Variants in UIMC1 observed in about 807,000 individuals in gnomAD.
UIMC1 encodes the protein ubiquitin interaction motif containing 1, also known as BRCA1-A complex subunit RAP80.
Under a neutral mutation model 84.9 loss-of-function variants are expected in UIMC1, and 42 were observed. The ratio of observed to expected loss-of-function variants is 0.49; its 90% CI spans 0.39 to 0.64. The LOEUF is 0.64. Ranked by LOEUF, UIMC1 falls within the 30% of genes least tolerant of loss-of-function variation. The pLI is 0.00. For missense variants in UIMC1, 825 were observed against 847.6 expected (o/e 0.97, Z 0.33); for synonymous variants, 281 against 293.0 (o/e 0.96, Z 0.42).
intron 10 of UIMC1, among the ~76,000 whole-genome samples, chr5:176,925,558 A>C (rs986442253): frequency 9.8e-5 from 15 of 152,304 alleles, no homozygotes; most frequent in Admixed American, 6.5e-4. Flanking sequence ...AAATACACCG[A>C]GAAGAACTGT....
At chr5:176,910,128 T>C (rs1759929797) in intron 11 of UIMC1, among the ~76,000 whole-genome samples, 1 of 152,156 alleles carries the variant, frequency 6.6e-6, no homozygotes, top group South Asian at 2.1e-4. Flanking sequence ...AATACAGAAA[T>C]ATTCTTTTTT....
chr5:176,919,249 A>C (rs1761409467), intron 10 of UIMC1: 1 of 324,682 alleles, frequency 3.1e-6, no homozygotes, highest in African/African-American at 2.3e-5. Flanking sequence ...ACTGCACTCC[A>C]GCCTGGGCAA....
At chr5:176,988,841 G>A (rs1425417080) in intron 1 of UIMC1, among the ~76,000 whole-genome samples, 3 of 152,004 alleles carry the variant, frequency 2.0e-5, no homozygotes, top group South Asian at 4.2e-4. Flanking sequence ...GTGCCACCAC[G>A]CCAGGCTAAT....
chr5:176,957,125 T>C (rs971609440), intron 7 of UIMC1, among the ~76,000 whole-genome samples: 6 of 152,138 alleles, frequency 3.9e-5, no homozygotes, highest in Non-Finnish European at 7.4e-5. Flanking sequence ...GAGAGGCCTA[T>C]AGGGAGTAAA....
At chr5:176,935,646 T>C (rs1581440934) in intron 10 of UIMC1, among the ~76,000 whole-genome samples, 1 of 152,194 alleles carries the variant, frequency 6.6e-6, no homozygotes, top group African/African-American at 2.4e-5. Flanking sequence ...GCCACATTAA[T>C]ATAAGTGAGA....
intron 4 of UIMC1, 75 bp downstream of exon 4, chr5:176,970,667 T>A: frequency 6.2e-7 from 1 of 1,601,718 alleles, no homozygotes; most frequent in Non-Finnish European, 8.5e-7. Context: ...TAGTTCCTAA[T>A]GCAACTACAA....
At chr5:176,984,655 G>A (rs895787348) in intron 1 of UIMC1, among the ~76,000 whole-genome samples, 5 of 128,346 alleles carry the variant, frequency 3.9e-5, no homozygotes, top group African/African-American at 1.4e-4. Flanking sequence ...AAAGAAAAGG[G>A]GGAAATGTGG....
At chr5:177,002,816 T>C (rs753335088) in intron 1 of UIMC1, among the ~76,000 whole-genome samples, 36 of 151,928 alleles carry the variant, frequency 2.4e-4, no homozygotes, top group Non-Finnish European at 4.4e-4. Flanking sequence ...ATAATAATAA[T>C]AAATATTTGA....
intron 13 of UIMC1, 152 bp downstream of exon 13, chr5:176,906,962 G>C: frequency 1.5e-6 from 1 of 679,570 alleles, no homozygotes. Context: ...ACTTCCTTAA[G>C]GAGAGATGAC....
intron 9 of UIMC1, among the ~76,000 whole-genome samples, chr5:176,948,773 T>C (rs904756676): frequency 6.6e-6 from 1 of 152,158 alleles, no homozygotes; most frequent in Admixed American, 6.5e-5. Flanking sequence ...TTTAAAGCCA[T>C]GTCTTCTAAT....
rs1031633007 is a variant in UIMC1, at chr5:176,905,182, G to A, written c.*100C>T. The A allele has an allele frequency of 1.4e-5, 18 of 1,314,748 alleles. No individual in the cohort carries two copies. In the South Asian group the frequency reaches 2.3e-4, roughly 17 times the overall value. The allele number at this position is 1,314,748 out of a possible 1,614,324, so 81.4% of individuals were successfully genotyped here. ...AGGTGCTGGTGGTGAAAACTGCAGG[G>A]CTAAAACTTGCTCAACAATGAACTA... On this transcript the variant is annotated 3_prime_UTR_variant, in exon 15 of 15. Transcript: ENST00000511320.
intron 2 of UIMC1, among the ~76,000 whole-genome samples, chr5:176,978,577 T>A (rs896015072): frequency 1.6e-4 from 25 of 151,886 alleles, no homozygotes; most frequent in African/African-American, 5.8e-4. Context: ...CAAAAAAAAC[T>A]TTATAAAGCC....
At chr5:176,965,898 T>G (rs1000421282) in intron 6 of UIMC1, among the ~76,000 whole-genome samples, 13 of 152,216 alleles carry the variant, frequency 8.5e-5, no homozygotes, top group Admixed American at 7.2e-4. Flanking sequence ...CAATAAATCA[T>G]TAAGTGTCAC....
At chr5:176,906,937 C>G (rs928039016) in intron 13 of UIMC1, among the ~76,000 whole-genome samples, 177 bp downstream of exon 13, 1 of 152,216 alleles carries the variant, frequency 6.6e-6, no homozygotes, top group Non-Finnish European at 1.5e-5. Context: ...ATGAAAAAGA[C>G]AGCATATTGC....
At chr5:176,949,798 G>T (rs139360164) in intron 9 of UIMC1, among the ~76,000 whole-genome samples, 1 of 152,150 alleles carries the variant, frequency 6.6e-6, no homozygotes, top group African/African-American at 2.4e-5. Context: ...AGTGGCTCAC[G>T]CCTGTAATCC....
At chr5:176,930,287 TAA>T (rs1388586662) in intron 10 of UIMC1, among the ~76,000 whole-genome samples, 8 of 152,296 alleles carry the variant, frequency 5.3e-5, no homozygotes. Flanking sequence ...CACAAATTAT[TAA>T]AAAATATATT....
chr5:177,017,818 A>C (rs1348852031), intron 1 of UIMC1, among the ~76,000 whole-genome samples: 6 of 151,552 alleles, frequency 4.0e-5, no homozygotes, highest in Non-Finnish European at 8.8e-5. Context: ...ACACCCAGCT[A>C]ATTTTTTTAA....
chr5:176,969,491 T>C (rs1768871591), intron 5 of UIMC1, 110 bp downstream of exon 5: 4 of 1,302,602 alleles, frequency 3.1e-6, no homozygotes, highest in South Asian at 1.4e-5. Context: ...TTAACTTCTT[T>C]ATTATCACCA....
Position 176,997,760 on chromosome 5 carries a change from A to T in UIMC1, c.-9+8890T>A, listed in dbSNP as rs151338117. On this transcript the variant is annotated intron_variant, in intron 1 of 14. Coordinates refer to ENST00000511320, the MANE Select transcript of UIMC1 (RefSeq NM_001199298.2). Reference sequence around the variant, plus strand: ...TAGTTAGGACATTTTTGCTCTTAACATAGTCTACAAAGTATGTCCCGTATT... The same window carrying T: ...TAGTTAGGACATTTTTGCTCTTAACTTAGTCTACAAAGTATGTCCCGTATT... Among the ~76,000 whole-genome samples, 578 of 151,598 alleles carry T rather than the reference A, an allele frequency of 3.8e-3. 2 individuals are homozygous for T. The highest frequency in any genetic ancestry group is 5.5e-3 in the Non-Finnish European group (376 of 67,988).
Sources: gnomAD v4.1 joint callset for allele counts (sites outside exome capture counted in the v4.1 genomes callset) on GRCh38, gnomAD v4.1.1 for gene constraint, MANE v1.5 for transcripts, NCBI Gene and HGNC (gene_info 2026-07-23, HGNC 2026-07-21) for gene names.